The following NDRG1 variants were observed in gnomAD, a reference collection of about 807,000 sequenced individuals.
NDRG1 encodes the protein N-myc downstream regulated 1, also known as protein NDRG1.
A neutral mutation model predicts 56.9 loss-of-function variants in NDRG1; 32 were observed. The ratio of observed to expected loss-of-function variants is 0.56; its 90% confidence interval spans 0.42 to 0.76. NDRG1 has a LOEUF of 0.76. NDRG1 is among the 30% of genes least tolerant of loss of function. The pLI is 0.00. For synonymous variants in NDRG1, 211 were observed against 204.1 expected (o/e 1.03, Z -0.29); for missense variants, 507 against 545.7 (o/e 0.93, Z 0.71).
In NDRG1 at chr8:133,244,345, T is replaced by C. The variant is rs1855548442; in HGVS notation, c.891+10A>G. On this transcript the variant is annotated intron_variant, in intron 14 of 15. Transcript: ENST00000323851. ...CAGCTGTATAATGCAAAAGCCAACA[T>C]GGCACTCACCTGGGAGATCTGCGGG... The C allele has an allele frequency of 6.2e-7, 1 of 1,614,198 alleles. No individual in the cohort carries two copies. Among genetic ancestry groups the C allele is most frequent in the Non-Finnish European group, 8.5e-7 (1 of 1,180,038 alleles).
chr8:133,267,209 G>A (rs1301572506), intron 3 of NDRG1, among the ~76,000 whole-genome samples: 2 of 152,238 alleles, frequency 1.3e-5, no homozygotes, highest in African/African-American at 4.8e-5. Context: ...GAGGGTGGTC[G>A]TGACTCTTTC....
chr8:133,282,614 C>T (rs889178312), intron 2 of NDRG1, among the ~76,000 whole-genome samples: 3 of 152,190 alleles, frequency 2.0e-5, no homozygotes, highest in Non-Finnish European at 4.4e-5. Context: ...TTAGAGGACA[C>T]AGATTTAGAA....
intron 3 of NDRG1, among the ~76,000 whole-genome samples, chr8:133,276,640 C>G (rs1857470137): frequency 6.6e-6 from 1 of 152,210 alleles, no homozygotes; most frequent in Non-Finnish European, 1.5e-5. Flanking sequence ...TTCCCCTGCA[C>G]ACACACACTC....
chr8:133,247,987 C>T (rs899773562), intron 11 of NDRG1, 61 bp from the exon 12 acceptor site: 60 of 1,542,546 alleles, frequency 3.9e-5, no homozygotes, highest in Non-Finnish European at 5.2e-5. Flanking sequence ...GTCCCACTCC[C>T]AGGCCTGCCA....
chr8:133,256,568 G>A lies in NDRG1; in HGVS notation c.537+209C>T, dbSNP rs369278737. On this transcript the variant is annotated intron_variant, in intron 8 of 15. Transcript: ENST00000323851. The stretch of plus-strand genomic sequence containing the variant: ...GTGCTTTCCCTGGCTTAGACAGCTT[G>A]GTGGTATTTAAGTCTTCTGAATGGC... 6.1e-4 allele frequency among the ~76,000 whole-genome samples: 93 copies of A among 152,322 alleles called. No homozygotes were observed. The South Asian group carries it at 0.018, about 30-fold the overall frequency.
chr8:133,284,249 C>T lies in NDRG1; in HGVS notation c.63G>A (p.Glu21=), dbSNP rs1385847699. ...GGTAGCCAGGAAGATCTCCACTCAC[C>T]TCCCCTTTCTCCACCAAAGGCTTCA... ...AEVKPLVEKG[E]TITGLLQEFD... The change falls in exon 2 of 16, where the codon GAG becomes GAA. Residue 21 remains glutamate (E), a splice_region_variant and synonymous_variant. Transcript: ENST00000323851. The T allele has an allele frequency of 1.2e-6, 2 of 1,614,130 alleles. No homozygotes were observed. The highest frequency in any genetic ancestry group is 4.5e-5 in the East Asian group (2 of 44,880).
intron 1 of NDRG1, among the ~76,000 whole-genome samples, chr8:133,287,074 T>G (rs1464809708): frequency 6.6e-6 from 1 of 152,214 alleles, no homozygotes; most frequent in Admixed American, 6.5e-5. Flanking sequence ...AGCCCTTACC[T>G]TGTCCCTGAT....
At chr8:133,249,229 C>CCCTG (rs1382845473) in intron 10 of NDRG1, 1 of 254,124 alleles carries the variant, frequency 3.9e-6, no homozygotes, top group Non-Finnish European at 7.8e-6. Context: ...TCTTTCCATT[C>CCCTG]CCTGTCTCAA....
In NDRG1 at chr8:133,258,558, C is replaced by A; in HGVS notation, c.390-132G>T. The A allele has an allele frequency of 3.5e-6, 3 of 855,534 alleles. No individual in the cohort carries two copies. The South Asian group carries it at 4.3e-5, about 12-fold the overall frequency. 53.0% of individuals were successfully genotyped at this position (855,534 alleles called of 1,614,324 possible). A position where few individuals can be genotyped will look rare whatever the true frequency, so the allele number is the denominator to read the frequency against. On this transcript the variant is annotated intron_variant, in intron 6 of 15. Transcript: ENST00000323851. Reference sequence around the variant, plus strand: ...GAGCATGCTGCCGTAACTGCCTGCACAGCTCTGAGGTCACCATGCTTTAGG... The same window carrying A: ...GAGCATGCTGCCGTAACTGCCTGCAAAGCTCTGAGGTCACCATGCTTTAGG...
chr8:133,257,741 G>A (rs552476246), intron 7 of NDRG1, among the ~76,000 whole-genome samples: 1 of 152,264 alleles, frequency 6.6e-6, no homozygotes, highest in South Asian at 2.1e-4. Flanking sequence ...AATTTGCTGA[G>A]AGCCTATATG....
chr8:133,277,250 G>C (rs746308260), intron 3 of NDRG1, among the ~76,000 whole-genome samples: 1 of 152,174 alleles, frequency 6.6e-6, no homozygotes, highest in Non-Finnish European at 1.5e-5. Flanking sequence ...TGTTTAATGG[G>C]ACAGAGTTTC....
intron 1 of NDRG1, among the ~76,000 whole-genome samples, chr8:133,294,972 A>C (rs974812034): frequency 1.2e-4 from 18 of 152,182 alleles, no homozygotes; most frequent in African/African-American, 3.6e-4. Context: ...CGGCCTGGGC[A>C]CATCCCTCCC....
At chr8:133,275,945 G>A (rs1857435118) in intron 3 of NDRG1, among the ~76,000 whole-genome samples, 1 of 152,170 alleles carries the variant, frequency 6.6e-6, no homozygotes, top group Non-Finnish European at 1.5e-5. Flanking sequence ...TGAAAACACA[G>A]GTCACTGCCT....
At chr8:133,262,253 G>A in intron 4 of NDRG1, 86 bp from the exon 5 acceptor site, 3 of 1,504,548 alleles carry the variant, frequency 2.0e-6, no homozygotes, top group Non-Finnish European at 2.7e-6. Context: ...CATTCATTTT[G>A]TTTCATTCCT....
At chr8:133,255,456 A>C (rs1377999783) in intron 8 of NDRG1, 3 of 449,086 alleles carry the variant, frequency 6.7e-6, no homozygotes, top group South Asian at 1.6e-5. Context: ...TGAAGGGAAT[A>C]GTACAGCTAT....
chr8:133,261,921 G>C lies in NDRG1; in HGVS notation c.326+126C>G, dbSNP rs76820765. The C allele has an allele frequency of 7.6e-5, 100 of 1,323,972 alleles. 1 individual carries two copies. The African/African-American group carries it at 1.4e-3, about 19-fold the overall frequency. The allele number at this position is 1,323,972 out of a possible 1,614,324, so 82.0% of individuals were successfully genotyped here. On this transcript the variant is annotated intron_variant, in intron 5 of 15. Coordinates refer to ENST00000323851, the MANE Select transcript of NDRG1 (RefSeq NM_006096.4). ...TGTATCTTTTCCCACAATTTAAAAA[G>C]TGCTTAAGATGATACGTTTTATATT... is the stretch of plus-strand genomic sequence containing the variant.
At chr8:133,277,388 A>G (rs1008437086) in intron 3 of NDRG1, among the ~76,000 whole-genome samples, 3 of 152,094 alleles carry the variant, frequency 2.0e-5, no homozygotes, top group African/African-American at 7.2e-5. Flanking sequence ...ACATGGAAAA[A>G]CCCATCTCTA....
chr8:133,252,172 T>G (rs1292726114), intron 9 of NDRG1, among the ~76,000 whole-genome samples: 1 of 152,202 alleles, frequency 6.6e-6, no homozygotes, highest in East Asian at 1.9e-4. Context: ...CTCGGCTCAC[T>G]GCAGCCTCTG....
intron 4 of NDRG1, among the ~76,000 whole-genome samples, chr8:133,263,736 T>G (rs1856768580): frequency 6.6e-6 from 1 of 151,884 alleles, no homozygotes; most frequent in Non-Finnish European, 1.5e-5. Context: ...GCCAACACAG[T>G]GAAACCCCGT....
Sources: allele counts gnomAD v4.1 joint callset (sites outside exome capture counted in the v4.1 genomes callset), GRCh38; gene constraint gnomAD v4.1.1; transcripts MANE v1.5; gene names NCBI Gene and HGNC (gene_info 2026-07-23, HGNC 2026-07-21).